WDPCP: variants seen among roughly 807,000 people sequenced by gnomAD.
WDPCP encodes WD repeat containing planar cell polarity effector.
Under a neutral mutation model 93.1 loss-of-function variants are expected in WDPCP, and 71 were observed. The observed-to-expected ratio is 0.76, with a 90% CI of 0.63 to 0.93. WDPCP has a LOEUF of 0.93. WDPCP is among the 40% of genes least tolerant of loss of function. The pLI is 0.00. For synonymous variants in WDPCP, 315 were observed against 315.0 expected, an observed-to-expected ratio of 1.00 and a Z score of 0.00; for missense variants, 844 against 887.4, an observed-to-expected ratio of 0.95 and a Z score of 0.62.
chr2:63,808,333 C>T (rs904389762), intron 2 of WDPCP, among the ~76,000 whole-genome samples: 2 of 147,126 alleles, frequency 1.4e-5, no homozygotes, highest in African/African-American at 2.5e-5. Flanking sequence ...CCTCTCCCCT[C>T]TCCCCTCTCC....
intron 2 of WDPCP, among the ~76,000 whole-genome samples, chr2:63,802,399 T>C (rs545198338): frequency 2.3e-4 from 35 of 150,868 alleles, no homozygotes; most frequent in Non-Finnish European, 4.9e-4. Context: ...AATATTTCTT[T>C]TAACCCATAG....
Position 63,717,142 on chromosome 2 carries a change from GC to G in WDPCP, n.309-66305del, listed in dbSNP as rs35031270. On this transcript the variant is annotated intron_variant and non_coding_transcript_variant, in intron 2 of 4. Coordinates refer to the WDPCP transcript ENST00000467687. ...ACCTGCCATGGCATTACTCACTGTT[GC>G]CACCTGACTCTTGGAAATGAAGAAT... The G allele has an allele frequency of 1.2e-3, 460 of 379,746 alleles. 1 individual carries two copies. Among genetic ancestry groups the G allele is most frequent in the Middle Eastern group, 1.9e-3 (2 of 1,052 alleles). The allele number at this position is 379,746 out of a possible 1,614,324, so 23.5% of individuals were successfully genotyped here. A position where few individuals can be genotyped will look rare whatever the true frequency, so the allele number is the denominator to read the frequency against.
In WDPCP at chr2:63,362,277, T is replaced by TTGTG. The variant is rs140044354; in HGVS notation, c.1748+16105_1748+16108dup. Among the ~76,000 whole-genome samples the TTGTG allele has an allele frequency of 3.4e-4, 32 of 94,108 alleles. 1 individual carries two copies. Among genetic ancestry groups the TTGTG allele is most frequent in the South Asian group, 8.9e-4 (2 of 2,244 alleles). 61.7% of individuals were successfully genotyped at this position (94,108 alleles called of 152,430 possible). ...GAATCCCTTTTTTTTTTTTTTTTGG[T>TTGTG]TGTGTGTGTGTGTGTGTGTGTGTGT... On this transcript the variant is annotated intron_variant, in intron 12 of 17. Coordinates refer to ENST00000272321, the MANE Select transcript of WDPCP (RefSeq NM_015910.7).
At chr2:63,522,059 G>C (rs1294894183) in intron 1 of WDPCP, among the ~76,000 whole-genome samples, 1 of 151,974 alleles carries the variant, frequency 6.6e-6, no homozygotes, top group Non-Finnish European at 1.5e-5. Context: ...AATACTTTAA[G>C]TTTTGGGATA....
chr2:63,830,672 T>C (rs1436687594), upstream of WDPCP, among the ~76,000 whole-genome samples: 1 of 152,150 alleles, frequency 6.6e-6, no homozygotes, highest in African/African-American at 2.4e-5. Flanking sequence ...TGAATTCTCA[T>C]AACTGGCCAT....
intron 2 of WDPCP, among the ~76,000 whole-genome samples, chr2:63,780,560 C>T (rs777764915): frequency 1.3e-5 from 2 of 152,132 alleles, no homozygotes; most frequent in Admixed American, 6.6e-5. Flanking sequence ...CTTCTAAGCA[C>T]GTAACTCCCA....
chr2:63,571,821 C>G (rs1707526904), intron 1 of WDPCP, among the ~76,000 whole-genome samples: 1 of 152,184 alleles, frequency 6.6e-6, no homozygotes, highest in Non-Finnish European at 1.5e-5. Flanking sequence ...ATGTAGTCTA[C>G]TGGGTTATAA....
intron 14 of WDPCP, among the ~76,000 whole-genome samples, chr2:63,188,143 A>T (rs963271855): frequency 5.3e-5 from 8 of 152,064 alleles, no homozygotes; most frequent in Admixed American, 1.3e-4. Context: ...TAACAGTTTG[A>T]TTATAATGTG....
chr2:63,584,329 G>A (rs1251808481), intron 1 of WDPCP, among the ~76,000 whole-genome samples: 1 of 151,848 alleles, frequency 6.6e-6, no homozygotes, highest in African/African-American at 2.4e-5. Flanking sequence ...TTACCAGATG[G>A]GTTTGAAATC....
intron 14 of WDPCP, among the ~76,000 whole-genome samples, chr2:63,192,157 C>T (rs1270768917): frequency 6.6e-6 from 1 of 152,120 alleles, no homozygotes; most frequent in Non-Finnish European, 1.5e-5. Context: ...ATTACCTTAT[C>T]AAATTCCATT....
At chr2:63,303,060 C>T (rs1286880992) in intron 13 of WDPCP, among the ~76,000 whole-genome samples, 1 of 152,166 alleles carries the variant, frequency 6.6e-6, no homozygotes, top group East Asian at 1.9e-4. Context: ...TAGATGGTAC[C>T]AGAATCCTAA....
At chr2:63,503,113 A>T (rs905652872) in intron 1 of WDPCP, among the ~76,000 whole-genome samples, 6 of 152,220 alleles carry the variant, frequency 3.9e-5, no homozygotes, top group African/African-American at 1.4e-4. Context: ...TCTCTAGGGC[A>T]TTGTTCAAAC....
At chr2:63,197,511 TA>T (rs1412125569) in intron 14 of WDPCP, among the ~76,000 whole-genome samples, 1 of 152,116 alleles carries the variant, frequency 6.6e-6, no homozygotes, top group African/African-American at 2.4e-5. Flanking sequence ...GCAGTATTAA[TA>T]AGAATAAAAA....
At chr2:63,219,034 G>A (rs143523824) in intron 14 of WDPCP, among the ~76,000 whole-genome samples, 1 of 152,252 alleles carries the variant, frequency 6.6e-6, no homozygotes, top group African/African-American at 2.4e-5. Context: ...GGCTGAGTTA[G>A]CTAATTATGA....
intron 14 of WDPCP, among the ~76,000 whole-genome samples, chr2:63,231,018 A>G (rs1018291943): frequency 1.3e-5 from 2 of 152,110 alleles, no homozygotes; most frequent in Admixed American, 6.6e-5. Context: ...GGCAAACTGA[A>G]TCCAGCAGCA....
chr2:63,338,581 T>A lies in WDPCP; in HGVS notation c.1749-25270A>T, dbSNP rs1483347561. On this transcript the variant is annotated intron_variant, in intron 12 of 17. Coordinates refer to ENST00000272321, the MANE Select transcript of WDPCP (RefSeq NM_015910.7). ...AAAAAAAAAAAAAAATATATATATA[T>A]ATATATATATATATATATATATATA... 3.7e-3 allele frequency among the ~76,000 whole-genome samples: 67 copies of A among 18,180 alleles called. 2 individuals are homozygous for A. Among genetic ancestry groups the A allele is most frequent in the Admixed American group, 8.7e-3 (13 of 1,488 alleles). The allele number at this position is 18,180 out of a possible 152,430, so 11.9% of individuals were successfully genotyped here.
intron 14 of WDPCP, among the ~76,000 whole-genome samples, chr2:63,207,284 A>C (rs1676413266): frequency 6.6e-6 from 1 of 152,076 alleles, no homozygotes; most frequent in Non-Finnish European, 1.5e-5. Flanking sequence ...AACTCATGAC[A>C]GTGAGTTCTC....
chr2:63,159,140 A>T (rs1672477820), intron 15 of WDPCP, among the ~76,000 whole-genome samples: 1 of 151,720 alleles, frequency 6.6e-6, no homozygotes, highest in Admixed American at 6.6e-5. Flanking sequence ...TGTGAGACAG[A>T]ATGAGACCCT....
intron 2 of WDPCP, among the ~76,000 whole-genome samples, chr2:63,761,751 T>C (rs1670058180): frequency 6.6e-6 from 1 of 152,116 alleles, no homozygotes; most frequent in Non-Finnish European, 1.5e-5. Context: ...GGTCTGCCTT[T>C]CCCGGCCCAC....
Sources: gnomAD v4.1 joint callset for allele counts (sites outside exome capture counted in the v4.1 genomes callset) on GRCh38, gnomAD v4.1.1 for gene constraint, MANE v1.5 for transcripts, NCBI Gene and HGNC (gene_info 2026-07-23, HGNC 2026-07-21) for gene names.